Variants in CEACAM3 observed in about 807,000 individuals in gnomAD.
CEACAM3 encodes CEA cell adhesion molecule 3, also known as cell adhesion molecule CEACAM3.
Under a neutral mutation model 30.1 loss-of-function variants are expected in CEACAM3, and 32 were observed. That is an observed-to-expected ratio of 1.06 (90% CI 0.80 to 1.43). The LOEUF is 1.43. Among genes scored for constraint, CEACAM3 ranks in the 40% most tolerant of loss-of-function variants. The pLI is 0.00. For missense variants in CEACAM3, 290 were observed against 316.3 expected (o/e 0.92, Z 0.63); for synonymous variants, 134 against 127.2 (o/e 1.05, Z -0.36).
At chr19:41,810,752 C>A in intron 5 of CEACAM3, 80 bp from the exon 6 acceptor site, 1 of 1,278,340 alleles carries the variant, frequency 7.8e-7, no homozygotes, top group Non-Finnish European at 1.1e-6. Context: ...CAGAAGTAAA[C>A]ACAGAGAAGT....
chr19:41,810,011 G>A lies in CEACAM3; in HGVS notation c.589G>A (p.Ala197Thr), dbSNP rs1555827351. The A allele has an allele frequency of 6.2e-7, 1 of 1,613,848 alleles. No individual in the cohort carries two copies. Among genetic ancestry groups the A allele is most frequent in the East Asian group, 2.2e-5 (1 of 44,870 alleles). Residue 197 changes from alanine (A) to threonine (T), a missense_variant, in exon 4 of 7, where the codon GCC becomes ACC. Transcript: ENST00000357396. ...DLKEQQPQAL[A>T]PGRGPSHSSA... Reference sequence around the variant, plus strand: ...CAAGGAGCAGCAGCCCCAAGCCCTTGCCCCTGGTGAGTGTCCTCTCAGCCC... The same window carrying A: ...CAAGGAGCAGCAGCCCCAAGCCCTTACCCCTGGTGAGTGTCCTCTCAGCCC...
In CEACAM3 at chr19:41,797,918, G is replaced by T; in HGVS notation, c.394G>T (p.Glu132Ter). The change falls in exon 2 of 7, where the codon GAA (glutamate) becomes TAA (stop). Residue 132 changes from glutamate to a stop codon, truncating the protein, a stop_gained. Coordinates refer to ENST00000357396, the MANE Select transcript of CEACAM3 (RefSeq NM_001815.5). LOFTEE classifies it high-confidence loss of function. ...LQVIKSDLVN[E>*]EATGQFHVYQ... ...AGTCATAAAGTCAGATCTTGTGAAT[G>T]AAGAAGCAACTGGACAGTTCCATGT... 1 of 1,610,936 alleles carries T rather than the reference G, an allele frequency of 6.2e-7. No individual in the cohort carries two copies. The highest frequency in any genetic ancestry group is 8.5e-7 in the Non-Finnish European group (1 of 1,178,388).
chr19:41,808,956 TC>T, intron 3 of CEACAM3, 26 bp downstream of exon 3: 1 of 1,497,722 alleles, frequency 6.7e-7, no homozygotes, highest in South Asian at 1.3e-5. Flanking sequence ...CCCATCCTTC[TC>T]CCACCCCCTA....
intron 2 of CEACAM3, among the ~76,000 whole-genome samples, chr19:41,802,104 CT>C (rs2073154305): frequency 6.6e-6 from 1 of 152,192 alleles, no homozygotes. Context: ...CTCTCGCCAT[CT>C]TAATCCTTGC....
chr19:41,804,955 A>T (rs1260433075), intron 2 of CEACAM3, among the ~76,000 whole-genome samples: 1 of 152,158 alleles, frequency 6.6e-6, no homozygotes, highest in Non-Finnish European at 1.5e-5. Context: ...TCCAAAATAC[A>T]AAATGTGCCA....
chr19:41,806,971 G>A, intron 2 of CEACAM3: 4 of 1,470,956 alleles, frequency 2.7e-6, no homozygotes, highest in Non-Finnish European at 3.6e-6. Flanking sequence ...ACAGGCGTGA[G>A]CCACCGCACC....
At chr19:41,805,649 C>G (rs545095344) in intron 2 of CEACAM3, among the ~76,000 whole-genome samples, 2 of 152,156 alleles carry the variant, frequency 1.3e-5, no homozygotes, top group African/African-American at 4.8e-5. Context: ...TTCGTGGAAC[C>G]GTACAGTAGT....
chr19:41,801,265 G>A (rs782051942), intron 2 of CEACAM3, among the ~76,000 whole-genome samples: 2 of 152,164 alleles, frequency 1.3e-5, no homozygotes, highest in African/African-American at 2.4e-5. Context: ...ATAAAAAAAG[G>A]CACAGAAATC....
chr19:41,804,677 T>C (rs2073184495), intron 2 of CEACAM3, among the ~76,000 whole-genome samples: 1 of 152,230 alleles, frequency 6.6e-6, no homozygotes, highest in South Asian at 2.1e-4. Flanking sequence ...TCAGCATCTT[T>C]CTTTGAGCTT....
chr19:41,800,750 G>A (rs1259028994), intron 2 of CEACAM3, among the ~76,000 whole-genome samples: 3 of 152,118 alleles, frequency 2.0e-5, no homozygotes, highest in East Asian at 1.9e-4. Context: ...CATGACCCAC[G>A]TGACCTTACC....
rs972088732 is a variant in CEACAM3, at chr19:41,796,625, C to T, written c.-53C>T. ...TCACAGTAGCCCTGACTACAGCATTCCTGGAGCCCAGGCTCTTTTCCACAG... is the reference window on the plus strand; with the variant it reads ...TCACAGTAGCCCTGACTACAGCATTTCTGGAGCCCAGGCTCTTTTCCACAG... On this transcript the variant is annotated 5_prime_UTR_variant, in exon 1 of 7. Transcript: ENST00000357396. 7 of 1,600,542 alleles carry T rather than the reference C, an allele frequency of 4.4e-6. No homozygotes were observed. The highest frequency in any genetic ancestry group is 5.1e-6 in the Non-Finnish European group (6 of 1,167,770).
chr19:41,806,023 G>GT lies in CEACAM3; in HGVS notation c.425-2788dup, dbSNP rs1555826706. 1.3e-4 allele frequency among the ~76,000 whole-genome samples: 20 copies of GT among 152,094 alleles called. No homozygotes were observed. In the East Asian group the frequency reaches 3.7e-3, roughly 28 times the overall value. ...GTTGTTGTTTGTTGTTGTTGTTGTT[G>GT]TTGTTGTTTGTTGTTTGTTGTTGTT... On this transcript the variant is annotated intron_variant, in intron 2 of 6. Coordinates refer to ENST00000357396, the MANE Select transcript of CEACAM3 (RefSeq NM_001815.5).
chr19:41,810,797 G>A (rs2073243339), intron 5 of CEACAM3, 35 bp from the exon 6 acceptor site: 1 of 1,567,920 alleles, frequency 6.4e-7, no homozygotes, highest in African/African-American at 1.4e-5. Flanking sequence ...AAACTTCCAG[G>A]CTGGGCCTCC....
chr19:41,797,618 A>T lies in CEACAM3; in HGVS notation c.94A>T (p.Thr32Ser), dbSNP rs782003499. The stretch of plus-strand genomic sequence containing the variant: ...ACTTCTAAACTTCTGGAACCCGCCC[A>T]CCACTGCCAAGCTCACTATTGAATC... ...ASLLNFWNPP[T>S]TAKLTIESMP... is the part of the protein sequence containing the mutation. The change falls in exon 2 of 7, where the codon ACC (threonine) becomes TCC (serine). Residue 32 changes from threonine to serine, a missense_variant. Thr to Ser is a moderately conservative substitution (Grantham distance 58, BLOSUM62 1). Coordinates refer to ENST00000357396, the MANE Select transcript of CEACAM3 (RefSeq NM_001815.5). The T allele has an allele frequency of 6.2e-7, 1 of 1,614,012 alleles. No homozygotes were observed. The highest frequency in any genetic ancestry group is 1.1e-5 in the South Asian group (1 of 91,076).
At chr19:41,810,962 G>A in intron 6 of CEACAM3, 65 bp downstream of exon 6, 2 of 1,463,154 alleles carry the variant, frequency 1.4e-6, no homozygotes, top group South Asian at 2.3e-5. Flanking sequence ...TTCCCCTACT[G>A]GCATCGGCTG....
At chr19:41,805,285 C>CTTTTTTTTTT (rs782317671) in intron 2 of CEACAM3, among the ~76,000 whole-genome samples, 56 of 104,970 alleles carry the variant, frequency 5.3e-4, no homozygotes, top group East Asian at 1.4e-3. Context: ...CTTTTTTCTT[C>CTTTTTTTTTT]TTTTTTTTTT....
At chr19:41,801,509 T>C (rs753881800) in intron 2 of CEACAM3, among the ~76,000 whole-genome samples, 1 of 152,212 alleles carries the variant, frequency 6.6e-6, no homozygotes, top group Non-Finnish European at 1.5e-5. Context: ...GATATTGCAG[T>C]CAAGAAAGAG....
chr19:41,797,807 T>A lies in CEACAM3; in HGVS notation c.283T>A (p.Tyr95Asn), dbSNP rs61737015. 3.2e-3 allele frequency: 5,141 copies of A among 1,601,828 alleles called. 462 individuals carry two copies. The African/African-American group carries it at 0.067, about 21-fold the overall frequency. Residue 95 changes from tyrosine (Y) to asparagine (N), a missense_variant, in exon 2 of 7, where the codon TAC (tyrosine) becomes AAC (asparagine). Transcript: ENST00000357396. ...TCAACAAGCTACCCCAGGGGCCGCA[T>A]ACAGCGGTCGAGAGACAATATACAC... ...GTQQATPGAAYSGRETIYTNA... is the reference protein window; with the variant it reads ...GTQQATPGAANSGRETIYTNA...
In CEACAM3 at chr19:41,797,683, A is replaced by C; in HGVS notation, c.159A>C (p.Leu53=). ...LSVAEGKEVL[L]LVHNLPQHLF... ...TCGCAGAGGGGAAGGAGGTGCTTCT[A>C]CTTGTCCACAATCTGCCCCAGCATC... is the stretch of plus-strand genomic sequence containing the variant. The change falls in exon 2 of 7, where the codon CTA becomes CTC. Residue 53 remains leucine (L), a synonymous_variant. Coordinates refer to ENST00000357396, the MANE Select transcript of CEACAM3 (RefSeq NM_001815.5). The C allele has an allele frequency of 1.9e-6, 3 of 1,614,116 alleles. No individual in the cohort carries two copies. The highest frequency in any genetic ancestry group is 2.5e-6 in the Non-Finnish European group (3 of 1,180,022).
Sources: allele counts gnomAD v4.1 joint callset (sites outside exome capture counted in the v4.1 genomes callset), GRCh38; gene constraint gnomAD v4.1.1; transcripts MANE v1.5; gene names NCBI Gene and HGNC (gene_info 2026-07-23, HGNC 2026-07-21).